Variants in STOX2 observed in about 807,000 individuals in gnomAD.
STOX2 encodes storkhead box 2.
In STOX2, 28 loss-of-function variants were observed where a neutral mutation model predicts 60.9. The ratio of observed to expected loss-of-function variants is 0.46; its 90% CI spans 0.34 to 0.63. The LOEUF (loss-of-function observed/expected upper bound fraction) is 0.63. Among genes scored for constraint, STOX2 ranks in the 30% least tolerant of loss-of-function variants. The probability of loss-of-function intolerance (pLI) is 0.01; values close to 1 mark genes in which losing one functional copy is unlikely to be tolerated. For synonymous variants in STOX2, 472 were observed against 463.9 expected, an observed-to-expected ratio of 1.02 and a Z score of -0.22; for missense variants, 1,024 against 1,187.7, an observed-to-expected ratio of 0.86 and a Z score of 2.03.
chr4:183,939,380 CTCTGTGTTCCCCCATCT>C (rs1196492741), intron 1 of STOX2, among the ~76,000 whole-genome samples: 1 of 152,214 alleles, frequency 6.6e-6, no homozygotes, highest in African/African-American at 2.4e-5. Context: ...TTTTCATCTT[CTCTGTGTTCCCCCATCT>C]TCTGTCTCTA....
At chr4:183,838,563 T>G (rs61432983) in intron 1 of STOX2, among the ~76,000 whole-genome samples, 3,133 of 152,342 alleles carry the variant, frequency 0.021, 111 homozygotes, top group African/African-American at 0.071. Context: ...ATCAAAGATA[T>G]GAGCAAATCA....
At chr4:183,929,903 G>T (rs889071531) in intron 1 of STOX2, among the ~76,000 whole-genome samples, 1 of 142,300 alleles carries the variant, frequency 7.0e-6, no homozygotes, top group African/African-American at 3.1e-5. Flanking sequence ...TCACTCTGTC[G>T]CCCAGGCTGG....
At chr4:183,810,182 T>C (rs929726712) in intron 1 of STOX2, among the ~76,000 whole-genome samples, 8 of 152,134 alleles carry the variant, frequency 5.3e-5, no homozygotes, top group Non-Finnish European at 1.0e-4. Context: ...CAGAGGTAAG[T>C]GTAGCTGCCA....
intron 1 of STOX2, among the ~76,000 whole-genome samples, chr4:183,887,148 C>G (rs911180392): frequency 6.6e-6 from 1 of 152,214 alleles, no homozygotes; most frequent in African/African-American, 2.4e-5. Flanking sequence ...CCTGTAGTCC[C>G]AGCTACTCGG....
At chr4:183,829,555 T>G (rs981569253) in intron 1 of STOX2, among the ~76,000 whole-genome samples, 8 of 152,198 alleles carry the variant, frequency 5.3e-5, no homozygotes. Flanking sequence ...CCTCATGTCT[T>G]TGTATTAAAC....
chr4:183,956,022 G>T (rs1359133503), intron 1 of STOX2, among the ~76,000 whole-genome samples: 2 of 152,122 alleles, frequency 1.3e-5, no homozygotes, highest in African/African-American at 4.8e-5. Context: ...TCTCCTTTCA[G>T]CTATGCTTGG....
chr4:183,853,297 G>T (rs1740211095), intron 1 of STOX2: 1 of 152,220 alleles, frequency 6.6e-6, no homozygotes, highest in South Asian at 2.1e-4. Context: ...ACTGTGCTGA[G>T]CGGATTCAGG....
rs752662701 is a variant in STOX2 at position 184,010,671 on chromosome 4, C to A, written c.1833C>A (p.Leu611=). 3.7e-5 allele frequency: 60 copies of A among 1,613,602 alleles called. No individual in the cohort carries two copies. Among genetic ancestry groups the A allele is most frequent in the Non-Finnish European group, 4.8e-5 (57 of 1,179,768 alleles). ...GCAACACCTCTAGTGAGACGGTGCT[C>A]ACGGCACCATCACCTCTGGGAAAGA... is the stretch of plus-strand genomic sequence containing the variant. The part of the protein sequence containing the change: ...FQCNTSSETV[L]TAPSPLGKNK... Residue 611 remains leucine (L), a synonymous_variant, in exon 3 of 4, where the codon CTC becomes CTA. Coordinates refer to ENST00000308497, the MANE Select transcript of STOX2 (RefSeq NM_020225.3). The surrounding 1 kb of genome is among the most constrained non-coding windows in gnomAD (Gnocchi z 4.5).
rs187198277 is a variant in STOX2 at position 183,974,092 on chromosome 4, G to T, written c.167-27233G>T. ...ACATATGAGAATTGTAAGATAAAGA[G>T]AAGAGGTTAAAAGGACTAAAATGAT... On this transcript the variant is annotated intron_variant, in intron 1 of 3. Transcript: ENST00000308497. Among the ~76,000 whole-genome samples, 241 of 152,274 alleles carry T rather than the reference G, an allele frequency of 1.6e-3. 1 individual carries two copies. Among genetic ancestry groups the T allele is most frequent in the Non-Finnish European group, 2.5e-3 (171 of 68,012 alleles).
chr4:183,976,524 A>T (rs1336067564), intron 1 of STOX2, among the ~76,000 whole-genome samples: 1 of 142,294 alleles, frequency 7.0e-6, no homozygotes, highest in African/African-American at 2.5e-5. Context: ...ATCTGCAGCT[A>T]TGATAGCTAT....
At chr4:183,864,555 G>A (rs1740522596) in intron 1 of STOX2, among the ~76,000 whole-genome samples, 1 of 151,980 alleles carries the variant, frequency 6.6e-6, no homozygotes, top group African/African-American at 2.4e-5. Flanking sequence ...CACCATGCCT[G>A]GCTAATTTTT....
intron 1 of STOX2, among the ~76,000 whole-genome samples, chr4:183,910,562 A>G (rs2278475): frequency 0.5 from 76,578 of 151,920 alleles, 20,305 homozygotes; most frequent in Non-Finnish European, 0.59. Flanking sequence ...AATGCCAGCA[A>G]AGTTTTGGGG....
intron 1 of STOX2, among the ~76,000 whole-genome samples, chr4:183,927,401 A>T (rs754530441): frequency 1.4e-4 from 21 of 152,246 alleles, no homozygotes; most frequent in African/African-American, 4.8e-4. Context: ...TATGTGCTCC[A>T]TAACAGTGAA....
At chr4:183,993,409 G>A (rs556170151) in intron 1 of STOX2, among the ~76,000 whole-genome samples, 5 of 152,212 alleles carry the variant, frequency 3.3e-5, no homozygotes, top group East Asian at 1.9e-4. Flanking sequence ...CTTGGCCACC[G>A]TGTTACTCTC....
In STOX2 at chr4:183,971,107, T is replaced by C. The variant is rs188886868; in HGVS notation, c.167-30218T>C. ...GGGGTTTTTTTGGTGGAACTTTTTGTGTTGAGTATAGAAGCCAATCATGTT... is the reference window on the plus strand; with the variant it reads ...GGGGTTTTTTTGGTGGAACTTTTTGCGTTGAGTATAGAAGCCAATCATGTT... On this transcript the variant is annotated intron_variant, in intron 1 of 3. Coordinates refer to ENST00000308497, the MANE Select transcript of STOX2 (RefSeq NM_020225.3). 2.0e-3 allele frequency among the ~76,000 whole-genome samples: 309 copies of C among 152,320 alleles called. 1 individual carries two copies. Among genetic ancestry groups the C allele is most frequent in the African/African-American group, 6.8e-3 (282 of 41,568 alleles).
intron 1 of STOX2, among the ~76,000 whole-genome samples, chr4:183,996,441 G>A (rs748440807): frequency 9.3e-4 from 141 of 152,348 alleles, no homozygotes; most frequent in Non-Finnish European, 1.8e-3. Context: ...AAATATGGTA[G>A]TTTCTGTAGA....
intron 1 of STOX2, among the ~76,000 whole-genome samples, chr4:183,834,545 A>C (rs552497449): frequency 6.6e-6 from 1 of 152,070 alleles, no homozygotes; most frequent in Non-Finnish European, 1.5e-5. Context: ...GTGGCATGGA[A>C]CACGCAGGTT....
chr4:183,833,881 C>A (rs1047018416), intron 1 of STOX2, among the ~76,000 whole-genome samples: 1 of 148,992 alleles, frequency 6.7e-6, no homozygotes, highest in Admixed American at 7.0e-5. Flanking sequence ...ACTTGGGAGG[C>A]TGAGGCAGGA....
At chr4:183,864,590 C>G (rs1740523143) in intron 1 of STOX2, among the ~76,000 whole-genome samples, 1 of 152,080 alleles carries the variant, frequency 6.6e-6, no homozygotes, top group Non-Finnish European at 1.5e-5. Flanking sequence ...GATGGGGTTT[C>G]TCCATGTTGG....
Sources: allele counts gnomAD v4.1 joint callset (sites outside exome capture counted in the v4.1 genomes callset), GRCh38; gene constraint gnomAD v4.1.1; non-coding constraint Gnocchi (gnomAD v3.1); transcripts MANE v1.5; gene names NCBI Gene and HGNC (gene_info 2026-07-23, HGNC 2026-07-21).